Variants in CARMIL1 observed in about 807,000 individuals in gnomAD.
CARMIL1 encodes F-actin-uncapping protein LRRC16A.
Under a neutral mutation model 177.1 loss-of-function variants are expected in CARMIL1, and 90 were observed. The observed-to-expected ratio is 0.51, with a 90% CI of 0.43 to 0.61. The LOEUF (loss-of-function observed/expected upper bound fraction) is 0.61, where lower values mean the gene tolerates loss of function less well. CARMIL1 is among the 20% of genes least tolerant of loss of function. CARMIL1 has a pLI of 0.00. For synonymous variants in CARMIL1, 577 were observed against 606.2 expected, an observed-to-expected ratio of 0.95 and a Z score of 0.71; for missense variants, 1,380 against 1,667.0, an observed-to-expected ratio of 0.83 and a Z score of 3.00.
chr6:25,547,666 T>C (rs1238289885), intron 26 of CARMIL1, among the ~76,000 whole-genome samples: 1 of 152,168 alleles, frequency 6.6e-6, no homozygotes, highest in East Asian at 1.9e-4. Flanking sequence ...CACCAGGTTA[T>C]AACTTTGTAT....
chr6:25,309,985 G>C (rs1015956662), intron 2 of CARMIL1, among the ~76,000 whole-genome samples: 1 of 151,780 alleles, frequency 6.6e-6, no homozygotes, highest in African/African-American at 2.4e-5. Flanking sequence ...GGCCAGGCTG[G>C]TCTTAAACTC....
intron 2 of CARMIL1, among the ~76,000 whole-genome samples, chr6:25,410,492 A>C (rs1794809003): frequency 6.6e-6 from 1 of 152,156 alleles, no homozygotes; most frequent in Admixed American, 6.5e-5. Context: ...GTTGGTAGAG[A>C]GTGGTCTAGC....
intron 2 of CARMIL1, among the ~76,000 whole-genome samples, chr6:25,337,447 A>G (rs1786375636): frequency 1.3e-5 from 2 of 152,240 alleles, no homozygotes; most frequent in Non-Finnish European, 2.9e-5. Flanking sequence ...TATATAATAT[A>G]AGGATGTTGG....
chr6:25,386,523 C>T (rs1792178517), intron 2 of CARMIL1, among the ~76,000 whole-genome samples: 1 of 152,032 alleles, frequency 6.6e-6, no homozygotes, highest in Admixed American at 6.6e-5. Flanking sequence ...GATTACAGGC[C>T]TGAGCCACCA....
At chr6:25,572,493 G>C (rs749860889) in intron 29 of CARMIL1, among the ~76,000 whole-genome samples, 2 of 151,994 alleles carry the variant, frequency 1.3e-5, no homozygotes, top group African/African-American at 2.4e-5. Context: ...TTGAGCTCAG[G>C]AATTGGAGAC....
rs1803262354 is a variant in CARMIL1 at position 25,491,800 on chromosome 6, C to G, written c.1134C>G (p.Ser378=). ...TGGATTTATCCAATACAGAATGTTC[C>G]CTGGACATGGTAAATTTAAAATATA... The part of the protein sequence containing the change: ...VHLDLSNTEC[S]LDMVCGALLR... Residue 378 remains serine (S), a synonymous_variant, in exon 14 of 37, where the codon TCC becomes TCG. Coordinates refer to ENST00000329474, the MANE Select transcript of CARMIL1 (RefSeq NM_017640.6). 1 of 1,592,482 alleles carries G rather than the reference C, an allele frequency of 6.3e-7. No individual in the cohort carries two copies. Among genetic ancestry groups the G allele is most frequent in the South Asian group, 1.1e-5 (1 of 87,758 alleles).
intron 4 of CARMIL1, among the ~76,000 whole-genome samples, chr6:25,432,359 A>G (rs1581920659): frequency 6.6e-6 from 1 of 152,194 alleles, no homozygotes; most frequent in Non-Finnish European, 1.5e-5. Flanking sequence ...ATTTAATTAT[A>G]GTTCATAAAC....
At chr6:25,425,790 T>C (rs541939823) in intron 3 of CARMIL1, among the ~76,000 whole-genome samples, 12 of 152,232 alleles carry the variant, frequency 7.9e-5, no homozygotes, top group Non-Finnish European at 1.3e-4. Flanking sequence ...AGAGGACTTT[T>C]GTTTAACTCT....
chr6:25,344,866 T>C (rs1046647978), intron 2 of CARMIL1, among the ~76,000 whole-genome samples: 2 of 152,164 alleles, frequency 1.3e-5, no homozygotes, highest in Non-Finnish European at 2.9e-5. Flanking sequence ...TCCTATGTCA[T>C]CTATTTTCTT....
At chr6:25,514,226 T>A (rs1805731399) in intron 20 of CARMIL1, among the ~76,000 whole-genome samples, 1 of 152,170 alleles carries the variant, frequency 6.6e-6, no homozygotes, top group Non-Finnish European at 1.5e-5. Flanking sequence ...TGGTTTGGAT[T>A]CACCATACAG....
chr6:25,314,451 C>G (rs138327342), intron 2 of CARMIL1, among the ~76,000 whole-genome samples: 3 of 132,490 alleles, frequency 2.3e-5, no homozygotes, highest in South Asian at 2.5e-4. Context: ...CCAGCCTGGG[C>G]GACAGAGCAA....
intron 33 of CARMIL1, among the ~76,000 whole-genome samples, chr6:25,602,549 C>A (rs58936300): frequency 0.028 from 4,203 of 152,206 alleles, 196 homozygotes; most frequent in African/African-American, 0.093. Flanking sequence ...TTAGGGCTTA[C>A]ACAGTATTAA....
chr6:25,313,292 CTG>C (rs1321696992), intron 2 of CARMIL1, among the ~76,000 whole-genome samples: 1 of 152,222 alleles, frequency 6.6e-6, no homozygotes, highest in Non-Finnish European at 1.5e-5. Flanking sequence ...TCCTTTCACT[CTG>C]TTCTTGACAG....
intron 2 of CARMIL1, among the ~76,000 whole-genome samples, chr6:25,296,185 A>G (rs1176724701): frequency 6.6e-6 from 1 of 152,142 alleles, no homozygotes; most frequent in East Asian, 1.9e-4. Context: ...TCCCCACTCC[A>G]CTAGAAGCTG....
intron 4 of CARMIL1, 56 bp from the exon 5 acceptor site, chr6:25,435,426 AT>A (rs34314506): frequency 0.12 from 188,011 of 1,516,682 alleles, 12,373 homozygotes; most frequent in East Asian, 0.16. Flanking sequence ...ATTTAAAATA[AT>A]TAAAAACGGA....
intron 26 of CARMIL1, among the ~76,000 whole-genome samples, chr6:25,546,836 G>A (rs1424232011): frequency 6.6e-6 from 1 of 151,994 alleles, no homozygotes; most frequent in African/African-American, 2.4e-5. Context: ...GATCACCTGA[G>A]GTCAGGAGTT....
At chr6:25,465,749 C>A in intron 8 of CARMIL1, 124 bp from the exon 9 acceptor site, 1 of 681,354 alleles carries the variant, frequency 1.5e-6, no homozygotes, top group Non-Finnish European at 2.6e-6. Flanking sequence ...TAGTGGCCAA[C>A]TAGATGTTGT....
chr6:25,301,051 G>A (rs1042041005), intron 2 of CARMIL1, among the ~76,000 whole-genome samples: 14 of 152,098 alleles, frequency 9.2e-5, no homozygotes, highest in African/African-American at 3.4e-4. Flanking sequence ...CCTTTTGTTA[G>A]TATCCCCAAG....
At chr6:25,335,440 C>T (rs189511771) in intron 2 of CARMIL1, among the ~76,000 whole-genome samples, 5 of 152,208 alleles carry the variant, frequency 3.3e-5, no homozygotes, top group Admixed American at 1.3e-4. Context: ...TAAGCAATTT[C>T]CATTTTGATG....
Sources: allele counts gnomAD v4.1 joint callset (sites outside exome capture counted in the v4.1 genomes callset), GRCh38; gene constraint gnomAD v4.1.1; transcripts MANE v1.5; gene names NCBI Gene and HGNC (gene_info 2026-07-23, HGNC 2026-07-21).